PPP2R1B: variants seen among roughly 807,000 people sequenced by gnomAD.
PPP2R1B encodes serine/threonine-protein phosphatase 2A 65 kDa regulatory subunit A beta isoform.
In PPP2R1B, 58 loss-of-function variants were observed where a neutral mutation model predicts 72.7. The observed-to-expected ratio is 0.80, with a 90% CI of 0.65 to 0.99. PPP2R1B has a LOEUF of 0.99. Among genes scored for constraint, PPP2R1B ranks in the 50% least tolerant of loss-of-function variants. The probability of loss-of-function intolerance (pLI) is 0.00; values close to 1 mark genes in which losing one functional copy is unlikely to be tolerated. For missense variants in PPP2R1B, 695 were observed against 733.6 expected, an observed-to-expected ratio of 0.95 and a Z score of 0.61; for synonymous variants, 256 against 264.6, an observed-to-expected ratio of 0.97 and a Z score of 0.32.
chr11:111,766,127 T>C, intron 1 of PPP2R1B, 121 bp downstream of exon 1: 3 of 914,724 alleles, frequency 3.3e-6, no homozygotes, highest in South Asian at 3.1e-5. Context: ...CCCCTTCAAG[T>C]TTCTGCTACG....
chr11:111,698,836 A>G, the PPP2R1B span, among the ~76,000 whole-genome samples: 1 of 152,262 alleles, frequency 6.6e-6, no homozygotes, highest in Non-Finnish European at 1.5e-5. Context: ...TATGTATTTC[A>G]GGATCTCTGA....
At chr11:111,753,306 G>A (rs1224945215) in intron 9 of PPP2R1B, 137 bp downstream of exon 9, 4 of 1,192,874 alleles carry the variant, frequency 3.4e-6, no homozygotes, top group Non-Finnish European at 3.5e-6. Flanking sequence ...CAAAATCACA[G>A]GTGTCATTGG....
chr11:111,727,280 C>T, intron 15 of PPP2R1B: 1 of 577,854 alleles, frequency 1.7e-6, no homozygotes, highest in East Asian at 2.8e-5. Context: ...GGCTCAGGGG[C>T]TGTTCATGCC....
exon 16 of PPP2R1B, chr11:111,727,054 G>A (rs778594513): frequency 1.9e-6 from 3 of 1,613,772 alleles, no homozygotes; most frequent in South Asian, 1.1e-5. Flanking sequence ...TGATACACTG[G>A]TCCCTGTAAG....
Position 111,738,717 on chromosome 11 carries a change from A to G in PPP2R1B, c.*2879T>C. 1 of 985,414 alleles carries G rather than the reference A, an allele frequency of 1.0e-6. No individual in the cohort carries two copies. Among genetic ancestry groups the G allele is most frequent in the Non-Finnish European group, 1.2e-6 (1 of 829,930 alleles). 61.0% of individuals were successfully genotyped at this position (985,414 alleles called of 1,614,324 possible). A position where few individuals can be genotyped will look rare whatever the true frequency, so the allele number is the denominator to read the frequency against. ...ATATTCACCTGCCTTCCTTCTTATG[A>G]AACAAGATGCATCCTCAGGTTCACA... On this transcript the variant is annotated 3_prime_UTR_variant, in exon 15 of 15. Coordinates refer to ENST00000527614, the MANE Select transcript of PPP2R1B (RefSeq NM_002716.5).
intron 10 of PPP2R1B, among the ~76,000 whole-genome samples, chr11:111,751,201 T>C (rs559381834): frequency 6.6e-6 from 1 of 152,262 alleles, no homozygotes; most frequent in Non-Finnish European, 1.5e-5. Flanking sequence ...GTAGGGCAAG[T>C]GGTACCTAGG....
downstream of PPP2R1B, chr11:111,737,618 C>G (rs377678302): frequency 4.5e-5 from 72 of 1,609,942 alleles, no homozygotes; most frequent in Non-Finnish European, 5.9e-5. Flanking sequence ...CAGGGCACAT[C>G]CCTCCCAAGC....
At chr11:111,699,277 C>T in the PPP2R1B span, among the ~76,000 whole-genome samples, 3 of 152,156 alleles carry the variant, frequency 2.0e-5, no homozygotes, top group African/African-American at 7.2e-5. Context: ...CCCAGATGTA[C>T]CCTCTTTTCT....
At chr11:111,718,622 C>G in the PPP2R1B span, 1 of 152,316 alleles carries the variant, frequency 6.6e-6, no homozygotes, top group East Asian at 1.9e-4. Context: ...AATAAAGGGC[C>G]TCGCAGCGCC....
At chr11:111,698,035 G>A in the PPP2R1B span, among the ~76,000 whole-genome samples, 1 of 151,970 alleles carries the variant, frequency 6.6e-6, no homozygotes, top group African/African-American at 2.4e-5. Context: ...TATAACATTT[G>A]AAGTGCTTTG....
chr11:111,714,865 T>C, the PPP2R1B span, among the ~76,000 whole-genome samples: 5 of 152,150 alleles, frequency 3.3e-5, no homozygotes, highest in African/African-American at 9.7e-5. Flanking sequence ...GCTACTACAG[T>C]CCCACTCAGA....
rs1944450014 is a variant in PPP2R1B at position 111,739,523 on chromosome 11, C to T, written c.*2073G>A. ...CAGAGGCCCCGCTGAACCCCCGACC[C>T]ATGCTTGAGAAAGCCAGGGCCCACT... On this transcript the variant is annotated 3_prime_UTR_variant, in exon 15 of 15. Transcript: ENST00000527614. 1.0e-6 allele frequency: 1 copy of T among 985,436 alleles called. No individual in the cohort carries two copies. Among genetic ancestry groups the T allele is most frequent in the Non-Finnish European group, 1.2e-6 (1 of 829,962 alleles). The allele number at this position is 985,436 out of a possible 1,614,324, so 61.0% of individuals were successfully genotyped here.
chr11:111,703,088 T>C, the PPP2R1B span: 1 of 842,614 alleles, frequency 1.2e-6, no homozygotes, highest in Non-Finnish European at 1.9e-6. Flanking sequence ...GACCTTCTGC[T>C]TTCCAGTAGA....
chr11:111,751,249 T>C (rs1200895574), intron 10 of PPP2R1B, among the ~76,000 whole-genome samples: 1 of 152,184 alleles, frequency 6.6e-6, no homozygotes, highest in Non-Finnish European at 1.5e-5. Flanking sequence ...CAGGGAAGTT[T>C]CCTTGAGCAA....
chr11:111,728,398 C>T (rs1944049282), intron 15 of PPP2R1B: 1 of 152,284 alleles, frequency 6.6e-6, no homozygotes, highest in Non-Finnish European at 1.5e-5. Flanking sequence ...AAGCCATTCT[C>T]CTGCCTCAGC....
chr11:111,743,447 C>A lies in PPP2R1B; in HGVS notation c.1483G>T (p.Val495Phe). 1.2e-6 allele frequency: 2 copies of A among 1,613,616 alleles called. No individual in the cohort carries two copies. Among genetic ancestry groups the A allele is most frequent in the Non-Finnish European group, 1.7e-6 (2 of 1,179,682 alleles). The change falls in exon 12 of 15, where the codon GTT becomes TTT. Residue 495 changes from valine to phenylalanine, a missense_variant. Val to Phe is a conservative substitution (Grantham distance 50, BLOSUM62 -1). Coordinates refer to ENST00000527614, the MANE Select transcript of PPP2R1B (RefSeq NM_002716.5). ...FGTEWAQNTI[V>F]PKVLVMANDP... The stretch of plus-strand genomic sequence containing the variant: ...TTTGCCATTACTAACACTTTGGGAA[C>A]AATAGTATTTTGGGCCCACTCTGTA...
chr11:111,738,205 C>G lies in PPP2R1B; in HGVS notation c.*3391G>C. On this transcript the variant is annotated 3_prime_UTR_variant, in exon 15 of 15. Coordinates refer to ENST00000527614, the MANE Select transcript of PPP2R1B (RefSeq NM_002716.5). ...CCTCAGCTGCTAAACCAGGAGAACA[C>G]TGGGCAACAGGGCCTCTCCCTCTAC... 1.0e-6 allele frequency: 1 copy of G among 985,750 alleles called. No individual in the cohort carries two copies. Among genetic ancestry groups the G allele is most frequent in the South Asian group, 4.7e-5 (1 of 21,306 alleles). The allele number at this position is 985,750 out of a possible 1,614,324, so 61.1% of individuals were successfully genotyped here.
At chr11:111,726,669 G>T, downstream of PPP2R1B, 1 of 408,950 alleles carries the variant, frequency 2.4e-6, no homozygotes. Flanking sequence ...CCTAACTAGT[G>T]ACCCATGGAA....
rs767725796 is a variant in PPP2R1B, at chr11:111,737,970, C to T, written c.*3626G>A. 1.0e-4 allele frequency: 106 copies of T among 1,016,508 alleles called. No homozygotes were observed. The highest frequency in any genetic ancestry group is 5.1e-4 in the Admixed American group (10 of 19,548). The allele number at this position is 1,016,508 out of a possible 1,614,324, so 63.0% of individuals were successfully genotyped here. ...GAGTAATTAAACTCTATTCGTCCTC[C>T]GGAAGATTTCCATCCCAACTGAACG... On this transcript the variant is annotated 3_prime_UTR_variant, in exon 15 of 15. Coordinates refer to ENST00000527614, the MANE Select transcript of PPP2R1B (RefSeq NM_002716.5).
Sources: gnomAD v4.1 joint callset for allele counts (sites outside exome capture counted in the v4.1 genomes callset) on GRCh38, gnomAD v4.1.1 for gene constraint, MANE v1.5 for transcripts, NCBI Gene and HGNC (gene_info 2026-07-23, HGNC 2026-07-21) for gene names.